RANBP2: variants seen among roughly 807,000 people sequenced by gnomAD.
RANBP2 encodes RAN binding protein 2, also known as E3 SUMO-protein ligase RanBP2.
A neutral mutation model predicts 303.6 loss-of-function variants in RANBP2; 57 were observed. That is an observed-to-expected ratio of 0.19 (90% confidence interval 0.15 to 0.23). The LOEUF is 0.23. RANBP2 is among the 10% of genes least tolerant of loss of function. The probability of loss-of-function intolerance (pLI) is 1.00; values close to 1 mark genes in which losing one functional copy is unlikely to be tolerated. For synonymous variants in RANBP2, 1,167 were observed against 1,301.5 expected (o/e 0.90, Z 2.23); for missense variants, 3,138 against 3,780.8 (o/e 0.83, Z 4.46).
chr2:109,398,867 T>C, the RANBP2 span: 2 of 1,613,866 alleles, frequency 1.2e-6, no homozygotes, highest in South Asian at 1.1e-5. Context: ...GCTCCAGTGT[T>C]GATCAGCTCC....
chr2:109,629,331 ATATATATATATATATATATATATATTT>A, the RANBP2 span, among the ~76,000 whole-genome samples: 1,645 of 16,346 alleles, frequency 0.1, 94 homozygotes, highest in Middle Eastern at 0.19. Context: ...ATATATATAT[ATATATATATATATATATATATATATTT>A]TTTTTTTTTT....
the RANBP2 span, among the ~76,000 whole-genome samples, chr2:109,609,349 G>A: frequency 6.6e-6 from 1 of 152,148 alleles, no homozygotes; most frequent in East Asian, 1.9e-4. Context: ...AATAATACAG[G>A]TTGCTCTTCC....
the RANBP2 span, among the ~76,000 whole-genome samples, chr2:108,898,657 G>T: frequency 6.6e-6 from 1 of 152,078 alleles, no homozygotes; most frequent in African/African-American, 2.4e-5. Context: ...AGGTTTTAAA[G>T]AATTCATAAT....
At chr2:109,605,203 T>G in the RANBP2 span, among the ~76,000 whole-genome samples, 1 of 152,236 alleles carries the variant, frequency 6.6e-6, no homozygotes, top group Non-Finnish European at 1.5e-5. Context: ...GCTTAGTTTT[T>G]GGGCTGAATA....
the RANBP2 span, among the ~76,000 whole-genome samples, chr2:109,031,561 T>C: frequency 9.8e-3 from 1,495 of 152,260 alleles, 20 homozygotes; most frequent in African/African-American, 0.034. Flanking sequence ...TCCGCGGGTC[T>C]CTAGCGCACG....
At chr2:109,667,510 A>C in the RANBP2 span, among the ~76,000 whole-genome samples, 2 of 152,144 alleles carry the variant, frequency 1.3e-5, no homozygotes, top group South Asian at 4.1e-4. Context: ...AGTCATAGGC[A>C]TGGCTGGGGA....
chr2:109,036,482 T>C, the RANBP2 span, among the ~76,000 whole-genome samples: 1 of 152,212 alleles, frequency 6.6e-6, no homozygotes, highest in Non-Finnish European at 1.5e-5. Context: ...TAAAAAATTA[T>C]ATACACCATG....
the RANBP2 span, among the ~76,000 whole-genome samples, chr2:109,139,554 T>G: frequency 6.6e-6 from 1 of 152,036 alleles, no homozygotes; most frequent in East Asian, 1.9e-4. Flanking sequence ...GAAATCTGAG[T>G]TTTAAAAATT....
chr2:108,939,980 C>A, the RANBP2 span, among the ~76,000 whole-genome samples: 5 of 152,210 alleles, frequency 3.3e-5, no homozygotes, highest in Non-Finnish European at 1.5e-5. Flanking sequence ...TGCTTCACAA[C>A]AAAAGCAAAA....
the RANBP2 span, among the ~76,000 whole-genome samples, chr2:109,249,597 CTTTTT>C: frequency 7.2e-6 from 1 of 138,378 alleles, no homozygotes; most frequent in African/African-American, 2.8e-5. Context: ...TCCTTTCTTT[CTTTTT>C]CTTTCTTTCT....
chr2:109,206,771 G>A, the RANBP2 span, among the ~76,000 whole-genome samples: 1 of 152,164 alleles, frequency 6.6e-6, no homozygotes, highest in Non-Finnish European at 1.5e-5. Flanking sequence ...AGCTATGATT[G>A]TGCCACTGCA....
chr2:109,257,640 T>C, the RANBP2 span, among the ~76,000 whole-genome samples: 1 of 152,122 alleles, frequency 6.6e-6, no homozygotes, highest in Non-Finnish European at 1.5e-5. Context: ...AAGAAGACTT[T>C]CCTTCTGAGT....
chr2:108,794,572 C>G, the RANBP2 span: 4 of 1,613,664 alleles, frequency 2.5e-6, no homozygotes, highest in Non-Finnish European at 2.5e-6. Context: ...CTCATCGAGA[C>G]CTCGGACTGA....
the RANBP2 span, among the ~76,000 whole-genome samples, chr2:109,576,971 GA>G: frequency 6.6e-6 from 1 of 152,066 alleles, no homozygotes; most frequent in Non-Finnish European, 1.5e-5. Flanking sequence ...ACACTATTCA[GA>G]GTCAAGAACT....
chr2:109,441,880 A>G, the RANBP2 span, among the ~76,000 whole-genome samples: 1 of 152,246 alleles, frequency 6.6e-6, no homozygotes, highest in African/African-American at 2.4e-5. Flanking sequence ...GTGAGATGAC[A>G]GAATAACCAA....
chr2:108,912,796 CA>C, the RANBP2 span: 4 of 1,537,196 alleles, frequency 2.6e-6, no homozygotes, highest in South Asian at 4.8e-5. Context: ...TCAAATGATC[CA>C]GAGAAGCTCC....
In RANBP2 at chr2:108,771,814, C is replaced by T. The variant is rs1221416686; in HGVS notation, c.7963C>T (p.Pro2655Ser). 12 of 1,614,040 alleles carry T rather than the reference C, an allele frequency of 7.4e-6. No individual in the cohort carries two copies. The highest frequency in any genetic ancestry group is 9.3e-6 in the Non-Finnish European group (11 of 1,179,960). ...CCTTGCAACCAAACTTAAACTTCCT[C>T]CAACTTTCTTCTGCTACAAGAATAG... ...KALATKLKLPPTFFCYKNRPD... is the reference protein window; with the variant it reads ...KALATKLKLPSTFFCYKNRPD... The change falls in exon 21 of 29, where the codon CCA becomes TCA. Residue 2655 changes from proline (P) to serine (S), a missense_variant. Coordinates refer to ENST00000283195, the MANE Select transcript of RANBP2 (RefSeq NM_006267.5).
At chr2:109,361,978 G>A in the RANBP2 span, among the ~76,000 whole-genome samples, 71 of 152,062 alleles carry the variant, frequency 4.7e-4, no homozygotes, top group African/African-American at 1.5e-3. Flanking sequence ...TAGTTTGCTT[G>A]CTAGAAGCAT....
chr2:109,595,527 C>T, the RANBP2 span, among the ~76,000 whole-genome samples: 1 of 152,088 alleles, frequency 6.6e-6, no homozygotes, highest in Non-Finnish European at 1.5e-5. Context: ...CCCCTGGAAA[C>T]AAACAGTGGT....
Sources: allele counts gnomAD v4.1 joint callset (sites outside exome capture counted in the v4.1 genomes callset), GRCh38; gene constraint gnomAD v4.1.1; transcripts MANE v1.5; gene names NCBI Gene and HGNC (gene_info 2026-07-23, HGNC 2026-07-21).